Variants in NCALD observed in about 807,000 individuals in gnomAD.
NCALD encodes neurocalcin-delta.
In NCALD, 10 loss-of-function variants were observed where a neutral mutation model predicts 18.6. The observed-to-expected ratio is 0.54, with a 90% CI of 0.33 to 0.91. The LOEUF is 0.91. NCALD is among the 40% of genes least tolerant of loss of function. NCALD has a pLI of 0.03. For synonymous variants in NCALD, 88 were observed against 87.4 expected (o/e 1.01, Z -0.04); for missense variants, 184 against 247.6 (o/e 0.74, Z 1.72).
At chr8:101,872,083 G>C in intron 4 of NCALD, 1 of 1,513,194 alleles carries the variant, frequency 6.6e-7, no homozygotes, top group South Asian at 1.1e-5. Flanking sequence ...AGGATAATTG[G>C]GTATGCAGGT....
chr8:102,053,371 A>T (rs1282703218), intron 1 of NCALD, among the ~76,000 whole-genome samples: 2 of 152,228 alleles, frequency 1.3e-5, no homozygotes, highest in East Asian at 1.9e-4. Flanking sequence ...TGGAATATTT[A>T]AAAATGTCAT....
At chr8:101,690,210 G>A (rs1291560765) in intron 3 of NCALD, 2 of 977,266 alleles carry the variant, frequency 2.0e-6, no homozygotes, top group African/African-American at 1.8e-5. Context: ...GGGAGGGGGT[G>A]GGGTAGGAGT....
At position 102,078,206 on chromosome 8, in the gene NCALD, C is replaced by A. The variant is rs991856851; in HGVS notation, c.-210+46031G>T. Among the ~76,000 whole-genome samples, 4 of 152,024 alleles carry A rather than the reference C, an allele frequency of 2.6e-5. No homozygotes were observed. In the East Asian group the frequency reaches 7.7e-4, roughly 29 times the overall value. ...TATCTCTTCTTTTTATCACACCATGCCCAACTCACCTACAAATCCTGCAAT... is the reference window on the plus strand; with the variant it reads ...TATCTCTTCTTTTTATCACACCATGACCAACTCACCTACAAATCCTGCAAT... On this transcript the variant is annotated intron_variant, in intron 1 of 6. Transcript: ENST00000311028.
intron 1 of NCALD, among the ~76,000 whole-genome samples, chr8:102,087,286 G>C (rs950638394): frequency 6.6e-6 from 1 of 151,986 alleles, no homozygotes; most frequent in Non-Finnish European, 1.5e-5. Context: ...CAACCCAAAG[G>C]CTAATTTTGG....
intron 3 of NCALD, among the ~76,000 whole-genome samples, chr8:101,888,556 T>C (rs931701719): frequency 6.6e-6 from 1 of 151,928 alleles, no homozygotes; most frequent in African/African-American, 2.4e-5. Flanking sequence ...CAGCTGGGAC[T>C]GCAGGGATGC....
chr8:101,705,224 A>AAAATAAATAAATAAATAAATAAAT (rs548716899), intron 2 of NCALD, among the ~76,000 whole-genome samples: 2,729 of 151,578 alleles, frequency 0.018, 82 homozygotes, highest in African/African-American at 0.062. Flanking sequence ...ACTTCATCTC[A>AAAATAAATAAATAAATAAATAAAT]AAATAAATAA....
At chr8:101,864,837 C>G (rs1394181510) in intron 4 of NCALD, among the ~76,000 whole-genome samples, 1 of 152,038 alleles carries the variant, frequency 6.6e-6, no homozygotes, top group Non-Finnish European at 1.5e-5. Context: ...CTCAGGTGAT[C>G]CGCCCATCTC....
At chr8:101,959,408 A>C (rs1819754976) in intron 2 of NCALD, among the ~76,000 whole-genome samples, 1 of 152,170 alleles carries the variant, frequency 6.6e-6, no homozygotes, top group African/African-American at 2.4e-5. Flanking sequence ...CCTGGCAGAC[A>C]CACCAGAGTA....
chr8:101,843,582 G>GTTTTTTTTTTTTTTTTTTTTTTTTTT (rs369393213), intron 4 of NCALD, among the ~76,000 whole-genome samples: 1 of 125,140 alleles, frequency 8.0e-6, no homozygotes, highest in African/African-American at 3.3e-5. Context: ...TTTAAAAATT[G>GTTTTTTTTTTTTTTTTTTTTTTTTTT]TTTTTTTTTT....
In NCALD at chr8:101,924,760, T is replaced by C. The variant is rs375235762; in HGVS notation, c.-156-8902A>G. On this transcript the variant is annotated intron_variant, in intron 2 of 6. Transcript: ENST00000311028. ...CAGCATGCAATCCACACTGCTCCATTTTACACAAATGTCGAAAAAATATTT... is the reference window on the plus strand; with the variant it reads ...CAGCATGCAATCCACACTGCTCCATCTTACACAAATGTCGAAAAAATATTT... Among the ~76,000 whole-genome samples the C allele has an allele frequency of 1.1e-3, 161 of 152,306 alleles. 1 individual carries two copies. The highest frequency in any genetic ancestry group is 3.7e-3 in the African/African-American group (155 of 41,564).
intron 1 of NCALD, among the ~76,000 whole-genome samples, chr8:101,744,679 G>T (rs117348571): frequency 6.6e-6 from 1 of 152,126 alleles, no homozygotes; most frequent in African/African-American, 2.4e-5. Context: ...TACTAAGCAC[G>T]TGTCCCTGCC....
At chr8:102,046,821 T>C (rs1188321369) in intron 1 of NCALD, among the ~76,000 whole-genome samples, 1 of 151,456 alleles carries the variant, frequency 6.6e-6, no homozygotes, top group Admixed American at 6.6e-5. Flanking sequence ...TGAACTTTTA[T>C]TTTAGGTTTG....
intron 1 of NCALD, among the ~76,000 whole-genome samples, chr8:101,786,297 C>T (rs1296403070): frequency 6.6e-6 from 1 of 152,186 alleles, no homozygotes; most frequent in East Asian, 1.9e-4. Flanking sequence ...CCCTTGGGTT[C>T]TCTATGCCAG....
rs750436141 is a variant in NCALD at position 101,719,351 on chromosome 8, C to T, written c.279G>A (p.Ser93=). The stretch of plus-strand genomic sequence containing the variant: ...TCAGCTTCTGCTCCAGCTTCCCCCT[C>T]GAAGTTACACTCAAGGCGATGATGA... ...REFIIALSVT[S]RGKLEQKLKW... is the part of the protein sequence containing the mutation. The change falls in exon 2 of 4, where the codon TCG becomes TCA. Residue 93 remains serine, a synonymous_variant. Transcript: ENST00000220931. The T allele has an allele frequency of 1.1e-5, 18 of 1,614,070 alleles. No homozygotes were observed. Among genetic ancestry groups the T allele is most frequent in the Non-Finnish European group, 5.1e-6 (6 of 1,180,046 alleles).
chr8:101,905,604 A>T (rs1380369113), intron 3 of NCALD, among the ~76,000 whole-genome samples: 1 of 152,160 alleles, frequency 6.6e-6, no homozygotes, highest in Non-Finnish European at 1.5e-5. Flanking sequence ...ACTTCTACTT[A>T]CATCCACCCT....
At chr8:101,817,669 AC>A (rs1259064657) in intron 4 of NCALD, among the ~76,000 whole-genome samples, 1 of 152,092 alleles carries the variant, frequency 6.6e-6, no homozygotes, top group Non-Finnish European at 1.5e-5. Context: ...CAGAATAATA[AC>A]CCTAAAGAGA....
At chr8:101,786,756 C>T (rs1363766156) in intron 1 of NCALD, among the ~76,000 whole-genome samples, 1 of 152,122 alleles carries the variant, frequency 6.6e-6, no homozygotes, top group Admixed American at 6.5e-5. Context: ...GTGAACAATC[C>T]TCCCATGAAG....
chr8:101,857,032 G>A (rs773792820), intron 4 of NCALD, among the ~76,000 whole-genome samples: 4 of 152,042 alleles, frequency 2.6e-5, no homozygotes, highest in Non-Finnish European at 5.9e-5. Flanking sequence ...CTTCCCCACC[G>A]TGCTGTGAGC....
At chr8:101,806,187 CA>C (rs1453245742) in intron 4 of NCALD, among the ~76,000 whole-genome samples, 5 of 151,600 alleles carry the variant, frequency 3.3e-5, no homozygotes, top group Non-Finnish European at 7.4e-5. Flanking sequence ...AAAACAACAA[CA>C]AAAAACCCCC....
Sources: allele counts gnomAD v4.1 joint callset (sites outside exome capture counted in the v4.1 genomes callset), GRCh38; gene constraint gnomAD v4.1.1; transcripts MANE v1.5; gene names NCBI Gene and HGNC (gene_info 2026-07-23, HGNC 2026-07-21).